CNTN4: variants seen among roughly 807,000 people sequenced by gnomAD.
CNTN4 encodes the protein contactin 4, also known as contactin-4.
CNTN4 carries 77 observed loss-of-function variants against 122.5 expected under a neutral mutation model. That is an observed-to-expected ratio of 0.63 (90% CI 0.52 to 0.76). CNTN4 has a LOEUF of 0.76. CNTN4 is among the 30% of genes least tolerant of loss of function. CNTN4 has a pLI of 0.00. For missense variants in CNTN4, 1,256 were observed against 1,259.1 expected, an observed-to-expected ratio of 1.00 and a Z score of 0.04; for synonymous variants, 512 against 447.0, an observed-to-expected ratio of 1.15 and a Z score of -1.83.
At chr3:2,853,994 A>G (rs1351286172) in intron 7 of CNTN4, among the ~76,000 whole-genome samples, 2 of 152,214 alleles carry the variant, frequency 1.3e-5, no homozygotes, top group African/African-American at 4.8e-5. Flanking sequence ...AATAAAGCCA[A>G]ACTCATAGAT....
At chr3:2,648,281 T>A (rs1449113713) in intron 4 of CNTN4, among the ~76,000 whole-genome samples, 1 of 152,188 alleles carries the variant, frequency 6.6e-6, no homozygotes, top group East Asian at 1.9e-4. Context: ...CTGGCATGCC[T>A]TGTGTTATTG....
chr3:2,362,304 G>T (rs2045185509), intron 3 of CNTN4: 2 of 214,736 alleles, frequency 9.3e-6, no homozygotes, highest in African/African-American at 2.3e-5. Context: ...CCTCTGCAGA[G>T]CCATGGCGGC....
chr3:2,135,836 G>C (rs112607530), intron 2 of CNTN4, among the ~76,000 whole-genome samples: 2 of 152,218 alleles, frequency 1.3e-5, no homozygotes, highest in African/African-American at 4.8e-5. Context: ...GAATTGGAGA[G>C]ACTAGAGAGG....
chr3:2,882,517 A>G (rs1313248451), intron 8 of CNTN4, among the ~76,000 whole-genome samples: 1 of 152,210 alleles, frequency 6.6e-6, no homozygotes, highest in Non-Finnish European at 1.5e-5. Context: ...GACCCTCCAA[A>G]TAAGTGTGCC....
In CNTN4 at chr3:3,043,305, C is replaced by A. The variant is rs574337239; in HGVS notation, c.2698+142C>A. On this transcript the variant is annotated intron_variant, in intron 22 of 24. Coordinates refer to ENST00000418658, the MANE Select transcript of CNTN4 (RefSeq NM_175607.3). ...AATTTCCCTCAGCATTTTAACTGAA[C>A]CTTTCCGTATACCACGCAAAATTCA... 1.3e-4 allele frequency: 112 copies of A among 883,190 alleles called. 1 individual carries two copies. Among genetic ancestry groups the A allele is most frequent in the Admixed American group, 7.2e-4 (36 of 49,998 alleles). The allele number at this position is 883,190 out of a possible 1,614,324, so 54.7% of individuals were successfully genotyped here.
intron 3 of CNTN4, among the ~76,000 whole-genome samples, chr3:2,453,183 A>T: frequency 6.6e-6 from 1 of 152,152 alleles, no homozygotes; most frequent in East Asian, 1.9e-4. Flanking sequence ...TAATTATGTG[A>T]TTAACTCACC....
chr3:2,659,218 CT>C (rs113562487), intron 4 of CNTN4, among the ~76,000 whole-genome samples: 12,356 of 151,858 alleles, frequency 0.081, 536 homozygotes, highest in Admixed American at 0.14. Context: ...TCCCAGCAAT[CT>C]TAGGAGGCCA....
chr3:2,516,234 C>A (rs759705294), intron 3 of CNTN4, among the ~76,000 whole-genome samples: 53 of 151,866 alleles, frequency 3.5e-4, no homozygotes, highest in Non-Finnish European at 7.4e-5. Context: ...TCTCATAAAA[C>A]TGAGTAGATA....
At chr3:2,099,897 T>C (rs1400710201) in intron 1 of CNTN4, 1 of 152,302 alleles carries the variant, frequency 6.6e-6, no homozygotes, top group African/African-American at 2.4e-5. Context: ...TGTTTTACTA[T>C]TTATGAAGGG....
Position 2,849,986 on chromosome 3 carries a change from C to CTTTTT in CNTN4, c.455-16762_455-16758dup, listed in dbSNP as rs746657018. On this transcript the variant is annotated intron_variant, in intron 7 of 24. Transcript: ENST00000418658. ...CCATTTTGGAAAATGTTAGCAATCA[C>CTTTTT]TTTTTTTTCTTTTTTTTTTCTGAGA... Among the ~76,000 whole-genome samples the CTTTTT allele has an allele frequency of 3.4e-4, 48 of 140,716 alleles. 11 individuals carry two copies. Among genetic ancestry groups the CTTTTT allele is most frequent in the Non-Finnish European group, 2.4e-4 (16 of 65,398 alleles). 92.3% of individuals were successfully genotyped at this position (140,716 alleles called of 152,430 possible). A position where few individuals can be genotyped will look rare whatever the true frequency, so the allele number is the denominator to read the frequency against.
rs1047194680 is a variant in CNTN4, at chr3:2,339,206, C to G, written c.-116C>G. 6.6e-5 allele frequency: 10 copies of G among 152,068 alleles called. No homozygotes were observed. Among genetic ancestry groups the G allele is most frequent in the African/African-American group, 2.4e-4 (10 of 41,420 alleles). The allele number at this position is 152,068 out of a possible 1,614,324, so 9.4% of individuals were successfully genotyped here. ...TCATTGACATAGAGTAACTCCACAG[C>G]ATGTGTCTTCAAGAGCTTCCCTAAA... On this transcript the variant is annotated 5_prime_UTR_variant, in exon 3 of 25. Transcript: ENST00000418658.
chr3:2,296,437 CAATTT>C (rs918442018), intron 2 of CNTN4, among the ~76,000 whole-genome samples: 7 of 151,930 alleles, frequency 4.6e-5, no homozygotes, highest in Admixed American at 2.6e-4. Flanking sequence ...CTCTTTGAAG[CAATTT>C]AATTATTTCA....
chr3:2,663,117 G>C (rs1413985765), intron 4 of CNTN4, among the ~76,000 whole-genome samples: 1 of 150,426 alleles, frequency 6.6e-6, no homozygotes, highest in Non-Finnish European at 1.5e-5. Context: ...AAAAAAAAAA[G>C]AAAAGGGAAA....
Position 2,780,163 on chromosome 3 carries a change from G to T in CNTN4, c.358+34466G>T, listed in dbSNP as rs185342212. ...AGAATAAGATAAAACTAGTTGTCCT[G>T]CAAATCTACATTGTGAGGGCCAAAT... On this transcript the variant is annotated intron_variant, in intron 6 of 24. Transcript: ENST00000418658. 3.9e-4 allele frequency among the ~76,000 whole-genome samples: 59 copies of T among 152,324 alleles called. 1 individual carries two copies. In the East Asian group the frequency reaches 0.011, roughly 29 times the overall value.
intron 14 of CNTN4, among the ~76,000 whole-genome samples, chr3:3,006,945 C>T (rs908521343): frequency 6.6e-5 from 10 of 152,182 alleles, no homozygotes; most frequent in East Asian, 1.9e-4. Flanking sequence ...TACCTCCCCG[C>T]GCCATCAACT....
At chr3:2,420,128 C>T (rs2151099731) in intron 3 of CNTN4, among the ~76,000 whole-genome samples, 1 of 152,314 alleles carries the variant, frequency 6.6e-6, no homozygotes. Flanking sequence ...GTGCCCTATC[C>T]ATATGCCTCA....
intron 2 of CNTN4, among the ~76,000 whole-genome samples, chr3:2,328,664 G>GA (rs11418151): frequency 0.31 from 45,414 of 147,130 alleles, 7,013 homozygotes; most frequent in Admixed American, 0.38. Context: ...ATAATGTTTG[G>GA]AAAAAAAAAA....
chr3:2,779,897 T>G (rs930428356), intron 6 of CNTN4, among the ~76,000 whole-genome samples: 1 of 152,250 alleles, frequency 6.6e-6, no homozygotes, highest in Non-Finnish European at 1.5e-5. Context: ...TATTTCAAAT[T>G]AGTACACTAT....
intron 2 of CNTN4, among the ~76,000 whole-genome samples, chr3:2,117,177 C>G (rs1455082536): frequency 1.3e-5 from 2 of 152,144 alleles, no homozygotes; most frequent in Admixed American, 1.3e-4. Flanking sequence ...TAAAACAGAC[C>G]AGCTATAAAT....
Sources: gnomAD v4.1 joint callset for allele counts (sites outside exome capture counted in the v4.1 genomes callset) on GRCh38, gnomAD v4.1.1 for gene constraint, MANE v1.5 for transcripts, NCBI Gene and HGNC (gene_info 2026-07-23, HGNC 2026-07-21) for gene names.